The following AGBL4 variants were observed in gnomAD, a reference collection of about 807,000 sequenced individuals.
AGBL4 encodes the protein AGBL carboxypeptidase 4.
AGBL4 carries 58 observed loss-of-function variants against 66.4 expected under a neutral mutation model. That is an observed-to-expected ratio of 0.87 (90% CI 0.71 to 1.09). The LOEUF (loss-of-function observed/expected upper bound fraction) is 1.09, where lower values mean the gene tolerates loss of function less well. Among genes scored for constraint, AGBL4 ranks in the 50% least tolerant of loss-of-function variants. The probability of loss-of-function intolerance (pLI) is 0.00; values close to 1 mark genes in which losing one functional copy is unlikely to be tolerated. For missense variants in AGBL4, 579 were observed against 631.0 expected, an observed-to-expected ratio of 0.92 and a Z score of 0.88; for synonymous variants, 234 against 222.9, an observed-to-expected ratio of 1.05 and a Z score of -0.44.
Position 48,728,106 on chromosome 1 carries a change from G to A in AGBL4, c.635-64865C>T, listed in dbSNP as rs1044733720. 2.9e-5 allele frequency: 42 copies of A among 1,452,562 alleles called. No homozygotes were observed. In the African/African-American group the frequency reaches 5.6e-4, roughly 19 times the overall value. 90.0% of individuals were successfully genotyped at this position (1,452,562 alleles called of 1,614,324 possible). On this transcript the variant is annotated intron_variant, in intron 6 of 13. Transcript: ENST00000371839. ...TGAATTCAAGTAAAAATCTTTTAAG[G>A]AGGGTAAAAGAAAATGTACCTCCCA...
intron 1 of AGBL4, among the ~76,000 whole-genome samples, chr1:49,896,451 C>A (rs1408570660): frequency 6.9e-6 from 1 of 144,800 alleles, no homozygotes; most frequent in Non-Finnish European, 1.6e-5. Flanking sequence ...AGGCTGAAAC[C>A]TGATGGCTTC....
intron 2 of AGBL4, among the ~76,000 whole-genome samples, chr1:49,716,535 A>G (rs1648153007): frequency 6.6e-6 from 1 of 152,102 alleles, no homozygotes; most frequent in South Asian, 2.1e-4. Context: ...AAAATAAAAT[A>G]CTGGAAAACC....
intron 9 of AGBL4, among the ~76,000 whole-genome samples, chr1:48,597,594 T>C (rs2148358031): frequency 6.6e-6 from 1 of 151,596 alleles, no homozygotes; most frequent in African/African-American, 2.4e-5. Flanking sequence ...AGAATACTCT[T>C]CCTGGCAAAA....
chr1:49,583,869 C>T (rs1183958981), intron 3 of AGBL4, among the ~76,000 whole-genome samples: 1 of 152,132 alleles, frequency 6.6e-6, no homozygotes, highest in African/African-American at 2.4e-5. Context: ...GATCAATCTG[C>T]CCCAGTTGGC....
intron 3 of AGBL4, among the ~76,000 whole-genome samples, chr1:49,382,731 T>C (rs1157149295): frequency 6.6e-6 from 1 of 152,206 alleles, no homozygotes; most frequent in Non-Finnish European, 1.5e-5. Flanking sequence ...AGTATCTCTG[T>C]TCACAGAGAG....
At chr1:48,741,790 G>A (rs1450462026) in intron 6 of AGBL4, among the ~76,000 whole-genome samples, 1 of 152,208 alleles carries the variant, frequency 6.6e-6, no homozygotes, top group Non-Finnish European at 1.5e-5. Context: ...TAAGGAGAAC[G>A]AGAGGCGATG....
intron 3 of AGBL4, among the ~76,000 whole-genome samples, chr1:49,259,842 A>C (rs1652941762): frequency 7.9e-6 from 1 of 127,326 alleles, no homozygotes; most frequent in African/African-American, 3.0e-5. Context: ...ACCCCAAATC[A>C]ACAGAATATA....
intron 5 of AGBL4, among the ~76,000 whole-genome samples, chr1:48,995,557 G>A (rs947527379): frequency 3.3e-5 from 5 of 152,190 alleles, no homozygotes; most frequent in African/African-American, 7.2e-5. Context: ...CTACTAATAC[G>A]TTATGAAGAA....
chr1:49,281,122 G>T lies in AGBL4; in HGVS notation c.283-35258C>A, dbSNP rs575630452. Among the ~76,000 whole-genome samples the T allele has an allele frequency of 1.1e-4, 17 of 152,116 alleles. No homozygotes were observed. In the East Asian group the frequency reaches 3.3e-3, roughly 29 times the overall value. ...ACATTATTTCTCATTTTACAGATTT[G>T]GGAACTAATAAGAAAAAAAGACCCT... On this transcript the variant is annotated intron_variant, in intron 3 of 13. Coordinates refer to ENST00000371839, the MANE Select transcript of AGBL4 (RefSeq NM_032785.4).
intron 3 of AGBL4, among the ~76,000 whole-genome samples, chr1:49,421,778 C>A (rs1645551527): frequency 6.6e-6 from 1 of 152,122 alleles, no homozygotes; most frequent in Non-Finnish European, 1.5e-5. Context: ...ACTTTCTCTG[C>A]CATCTTTTCT....
chr1:49,755,462 G>A (rs1651818032), intron 2 of AGBL4, among the ~76,000 whole-genome samples: 1 of 152,130 alleles, frequency 6.6e-6, no homozygotes, highest in South Asian at 2.1e-4. Context: ...CTCTGTTTAT[G>A]CTCCAACCTT....
chr1:49,738,600 C>T (rs1004522740), intron 2 of AGBL4, among the ~76,000 whole-genome samples: 1 of 152,220 alleles, frequency 6.6e-6, no homozygotes. Context: ...AAAGGACAGA[C>T]TGCCTCCTCA....
intron 4 of AGBL4, among the ~76,000 whole-genome samples, chr1:49,098,949 A>G (rs1330857728): frequency 6.6e-6 from 1 of 152,136 alleles, no homozygotes; most frequent in Non-Finnish European, 1.5e-5. Flanking sequence ...ATTGATTTTA[A>G]TTATGGAATA....
At position 48,696,740 on chromosome 1, in the gene AGBL4, G is replaced by C. The variant is rs993424189; in HGVS notation, c.635-33499C>G. ...AGGCATCACCGGAGTGAGAAAGTGA[G>C]AGAGTTGAGGAGTTTATAGAAATTA... On this transcript the variant is annotated intron_variant, in intron 6 of 13. Coordinates refer to ENST00000371839, the MANE Select transcript of AGBL4 (RefSeq NM_032785.4). Among the ~76,000 whole-genome samples the C allele has an allele frequency of 2.0e-5, 3 of 152,312 alleles. No homozygotes were observed. In the East Asian group the frequency reaches 5.8e-4, roughly 29 times the overall value.
intron 3 of AGBL4, among the ~76,000 whole-genome samples, chr1:49,497,822 G>A (rs1156688499): frequency 1.3e-5 from 2 of 151,930 alleles, no homozygotes; most frequent in Non-Finnish European, 2.9e-5. Flanking sequence ...GCCCCCAGCT[G>A]TTCTTTTTGC....
At chr1:49,319,425 G>A in intron 3 of AGBL4, among the ~76,000 whole-genome samples, 1 of 152,236 alleles carries the variant, frequency 6.6e-6, no homozygotes, top group Middle Eastern at 3.4e-3. Context: ...AAAAAGTCTG[G>A]AATTAGGCAC....
chr1:48,663,756 C>T (rs999204661), intron 6 of AGBL4, among the ~76,000 whole-genome samples: 1 of 152,010 alleles, frequency 6.6e-6, no homozygotes, highest in African/African-American at 2.4e-5. Context: ...GTAGCATCTG[C>T]CATTTAATTA....
chr1:49,493,645 A>T (rs1647272549), intron 3 of AGBL4, among the ~76,000 whole-genome samples: 1 of 151,970 alleles, frequency 6.6e-6, no homozygotes, highest in Non-Finnish European at 1.5e-5. Flanking sequence ...GAAGGAGAGA[A>T]CCATGTGAGA....
intron 3 of AGBL4, among the ~76,000 whole-genome samples, chr1:49,695,710 T>C (rs915365074): frequency 5.9e-5 from 9 of 152,262 alleles, no homozygotes; most frequent in African/African-American, 2.2e-4. Flanking sequence ...CCTAAAATTC[T>C]GAGACAAGTC....
Sources: allele counts gnomAD v4.1 joint callset (sites outside exome capture counted in the v4.1 genomes callset), GRCh38; gene constraint gnomAD v4.1.1; transcripts MANE v1.5; gene names NCBI Gene and HGNC (gene_info 2026-07-23, HGNC 2026-07-21).